Variants in INPP4B observed in about 807,000 individuals in gnomAD.
INPP4B encodes inositol polyphosphate 4-phosphatase type II.
A neutral mutation model predicts 122.5 loss-of-function variants in INPP4B; 55 were observed. The ratio of observed to expected loss-of-function variants is 0.45; its 90% confidence interval spans 0.36 to 0.56. The LOEUF (loss-of-function observed/expected upper bound fraction) is 0.56, where lower values mean the gene tolerates loss of function less well. Ranked by LOEUF, INPP4B falls within the 20% of genes least tolerant of loss-of-function variation. The probability of loss-of-function intolerance (pLI) is 0.00; values close to 1 mark genes in which losing one functional copy is unlikely to be tolerated. For synonymous variants in INPP4B, 403 were observed against 388.7 expected, an observed-to-expected ratio of 1.04 and a Z score of -0.43; for missense variants, 1,000 against 1,097.7, an observed-to-expected ratio of 0.91 and a Z score of 1.26.
At chr4:142,355,731 G>A (rs1783366226) in intron 7 of INPP4B, among the ~76,000 whole-genome samples, 1 of 151,956 alleles carries the variant, frequency 6.6e-6, no homozygotes, top group Admixed American at 6.6e-5. Flanking sequence ...TTTCTGGCAA[G>A]ACTAAAGCAC....
chr4:142,255,980 G>C (rs11724627), intron 11 of INPP4B, among the ~76,000 whole-genome samples: 3 of 145,444 alleles, frequency 2.1e-5, no homozygotes, highest in East Asian at 2.1e-4. Flanking sequence ...CAAATGTAAA[G>C]TAACAGAAAT....
At chr4:142,261,320 G>A (rs1253320342) in intron 10 of INPP4B, among the ~76,000 whole-genome samples, 2 of 152,114 alleles carry the variant, frequency 1.3e-5, no homozygotes, top group African/African-American at 4.8e-5. Context: ...GGAGTTGGAC[G>A]AAATCTATTT....
chr4:142,679,580 C>T (rs1758299600), intron 2 of INPP4B, among the ~76,000 whole-genome samples: 1 of 151,658 alleles, frequency 6.6e-6, no homozygotes, highest in Non-Finnish European at 1.5e-5. Flanking sequence ...TTGAGAAGTG[C>T]CAATTAAAAT....
rs192747382 is a variant in INPP4B, at chr4:142,347,565, G to T, written c.373-32803C>A. ...AATCTGTTGATCCTGAACTGAATTA[G>T]AAAAGATGCTATTATTTTCATTTAA... On this transcript the variant is annotated intron_variant, in intron 7 of 25. Transcript: ENST00000262992. 1.4e-3 allele frequency: 572 copies of T among 406,160 alleles called. 8 individuals are homozygous for T. Among genetic ancestry groups the T allele is most frequent in the African/African-American group, 0.011 (548 of 48,458 alleles). The allele number at this position is 406,160 out of a possible 1,614,324, so 25.2% of individuals were successfully genotyped here.
chr4:142,467,034 TG>T (rs1268998226), intron 2 of INPP4B, among the ~76,000 whole-genome samples: 1 of 152,094 alleles, frequency 6.6e-6, no homozygotes, highest in Non-Finnish European at 1.5e-5. Context: ...TAGGAAAGAT[TG>T]GTTGCCCAAG....
intron 2 of INPP4B, among the ~76,000 whole-genome samples, chr4:142,641,763 A>G (rs568313869): frequency 1.3e-5 from 2 of 152,178 alleles, no homozygotes; most frequent in South Asian, 4.1e-4. Context: ...CATGATTTAT[A>G]GTCCTTTGGG....
intron 1 of INPP4B, among the ~76,000 whole-genome samples, chr4:142,806,788 A>AAAGAAAGAAAG (rs1778863127): frequency 9.4e-6 from 1 of 105,828 alleles, no homozygotes; most frequent in African/African-American, 3.7e-5. Context: ...AGAAAGAAGG[A>AAAGAAAGAAAG]AAGAAAGAAA....
chr4:142,254,472 T>C (rs4330423), intron 11 of INPP4B, among the ~76,000 whole-genome samples: 5,838 of 151,902 alleles, frequency 0.038, 369 homozygotes, highest in African/African-American at 0.13. Flanking sequence ...TTTAGAAGAA[T>C]GTATAACTAG....
At chr4:142,062,736 C>G (rs1036830526) in intron 25 of INPP4B, among the ~76,000 whole-genome samples, 1 of 139,952 alleles carries the variant, frequency 7.1e-6, no homozygotes, top group Non-Finnish European at 1.6e-5. Flanking sequence ...ACTCCGTCCC[C>G]CCGCAAAAAC....
chr4:142,369,622 A>T (rs113142215), intron 7 of INPP4B, among the ~76,000 whole-genome samples: 2 of 148,760 alleles, frequency 1.3e-5, no homozygotes, highest in South Asian at 2.1e-4. Context: ...AAATAAAAAT[A>T]AAAAAATAAA....
intron 21 of INPP4B, among the ~76,000 whole-genome samples, chr4:142,114,653 T>C (rs887269253): frequency 6.6e-6 from 1 of 152,126 alleles, no homozygotes; most frequent in African/African-American, 2.4e-5. Context: ...TATTTACATA[T>C]TCTGAATATG....
chr4:142,540,894 G>A (rs1828867622), intron 2 of INPP4B, among the ~76,000 whole-genome samples: 1 of 152,106 alleles, frequency 6.6e-6, no homozygotes, highest in Non-Finnish European at 1.5e-5. Context: ...AAAACCAGAT[G>A]TTCTGGCCAC....
intron 2 of INPP4B, among the ~76,000 whole-genome samples, chr4:142,673,914 C>G (rs976512411): frequency 2.6e-5 from 4 of 152,144 alleles, no homozygotes; most frequent in African/African-American, 9.7e-5. Context: ...GTTACCGTTT[C>G]AGGCCCCAGG....
intron 2 of INPP4B, among the ~76,000 whole-genome samples, chr4:142,639,209 G>T (rs565560138): frequency 1.3e-5 from 2 of 152,208 alleles, no homozygotes; most frequent in East Asian, 3.9e-4. Context: ...TTCATAAGAG[G>T]TATTGGTCTG....
At chr4:142,789,113 C>T (rs1776173937) in intron 1 of INPP4B, among the ~76,000 whole-genome samples, 1 of 151,988 alleles carries the variant, frequency 6.6e-6, no homozygotes, top group Admixed American at 6.6e-5. Context: ...TATGACAAAC[C>T]CACAGCCAAC....
chr4:142,132,070 GA>G (rs1223232884), intron 18 of INPP4B, among the ~76,000 whole-genome samples: 1 of 151,932 alleles, frequency 6.6e-6, no homozygotes, highest in East Asian at 1.9e-4. Context: ...ATATTTATGA[GA>G]AAGTTAAGTA....
At chr4:142,306,138 C>CT (rs1413901157) in intron 8 of INPP4B, among the ~76,000 whole-genome samples, 3 of 151,342 alleles carry the variant, frequency 2.0e-5, no homozygotes, top group Non-Finnish European at 4.4e-5. Context: ...TTTTAAATTG[C>CT]TTTTTTAGTC....
intron 2 of INPP4B, among the ~76,000 whole-genome samples, chr4:142,558,938 C>G (rs904425113): frequency 8.6e-5 from 13 of 151,766 alleles, no homozygotes; most frequent in Non-Finnish European, 1.6e-4. Context: ...GATATATATC[C>G]CCTTCTGTCT....
chr4:142,092,444 T>C (rs1780027007), intron 23 of INPP4B, among the ~76,000 whole-genome samples: 1 of 152,010 alleles, frequency 6.6e-6, no homozygotes, highest in South Asian at 2.1e-4. Flanking sequence ...GCACCCGCCA[T>C]CATGCCTGGC....
Sources: allele counts gnomAD v4.1 joint callset (sites outside exome capture counted in the v4.1 genomes callset), GRCh38; gene constraint gnomAD v4.1.1; transcripts MANE v1.5; gene names NCBI Gene and HGNC (gene_info 2026-07-23, HGNC 2026-07-21).